NXPH1: variants seen among roughly 807,000 people sequenced by gnomAD.
The protein encoded by NXPH1 is neurexophilin 1.
A neutral mutation model predicts 23.7 loss-of-function variants in NXPH1; 5 were observed. That is an observed-to-expected ratio of 0.21 (90% CI 0.11 to 0.44). The LOEUF (loss-of-function observed/expected upper bound fraction) is 0.44. Among genes scored for constraint, NXPH1 ranks in the 20% least tolerant of loss-of-function variants. NXPH1 has a pLI of 0.99. For missense variants in NXPH1, 324 were observed against 321.6 expected, an observed-to-expected ratio of 1.01 and a Z score of -0.06; for synonymous variants, 144 against 122.2, an observed-to-expected ratio of 1.18 and a Z score of -1.18.
intron 2 of NXPH1, among the ~76,000 whole-genome samples, chr7:8,523,381 A>G (rs1273669530): frequency 3.3e-5 from 5 of 152,144 alleles, no homozygotes; most frequent in African/African-American, 4.8e-5. Flanking sequence ...GAAAATTCTT[A>G]GAGTCTTTTC....
At chr7:8,712,541 A>G (rs1188854212) in intron 2 of NXPH1, among the ~76,000 whole-genome samples, 4 of 152,260 alleles carry the variant, frequency 2.6e-5, no homozygotes, top group African/African-American at 9.6e-5. Flanking sequence ...CACTCCTCAT[A>G]AGATTTCAAT....
chr7:8,638,661 A>G (rs1365061461), intron 2 of NXPH1, among the ~76,000 whole-genome samples: 1 of 152,146 alleles, frequency 6.6e-6, no homozygotes, highest in African/African-American at 2.4e-5. Flanking sequence ...AAGGAATTCA[A>G]AAATTCTTTT....
At chr7:8,686,288 C>T (rs939318636) in intron 2 of NXPH1, among the ~76,000 whole-genome samples, 1 of 151,992 alleles carries the variant, frequency 6.6e-6, no homozygotes, top group Non-Finnish European at 1.5e-5. Context: ...TCTTTCCTTA[C>T]GTCTAATGAA....
chr7:8,568,872 A>T (rs1009564582), intron 2 of NXPH1, among the ~76,000 whole-genome samples: 1 of 151,838 alleles, frequency 6.6e-6, no homozygotes, highest in African/African-American at 2.4e-5. Flanking sequence ...ATATCTTTGC[A>T]TTTGTAACCT....
At chr7:8,464,221 C>T (rs1816741300) in intron 2 of NXPH1, among the ~76,000 whole-genome samples, 1 of 152,184 alleles carries the variant, frequency 6.6e-6, no homozygotes, top group Non-Finnish European at 1.5e-5. Context: ...CATCCCTAGA[C>T]ATCTTTATAT....
intron 2 of NXPH1, among the ~76,000 whole-genome samples, chr7:8,585,628 C>T (rs1474773122): frequency 1.3e-5 from 2 of 152,160 alleles, no homozygotes; most frequent in Non-Finnish European, 2.9e-5. Context: ...TCCTTGCACT[C>T]AATCTGGTAA....
At chr7:8,445,022 G>C (rs7805398) in intron 2 of NXPH1, among the ~76,000 whole-genome samples, 112,311 of 152,104 alleles carry the variant, frequency 0.74, 43,901 homozygotes, top group East Asian at 0.91. Context: ...TGTAGGGCAT[G>C]ATTTCCTCCC....
intron 2 of NXPH1, among the ~76,000 whole-genome samples, chr7:8,697,665 G>T (rs1779556537): frequency 6.6e-6 from 1 of 152,176 alleles, no homozygotes; most frequent in Non-Finnish European, 1.5e-5. Context: ...GGAGGATCAT[G>T]ATTTGAGGAG....
At chr7:8,738,051 T>C (rs370750515) in intron 2 of NXPH1, among the ~76,000 whole-genome samples, 1 of 152,210 alleles carries the variant, frequency 6.6e-6, no homozygotes, top group Non-Finnish European at 1.5e-5. Flanking sequence ...TTTTCAAGGT[T>C]CTTAGCTTCC....
chr7:8,574,752 A>G (rs979914188), intron 2 of NXPH1, among the ~76,000 whole-genome samples: 1 of 152,148 alleles, frequency 6.6e-6, no homozygotes, highest in African/African-American at 2.4e-5. Context: ...CTGTCACAAC[A>G]TCCCTTCTCA....
intron 2 of NXPH1, among the ~76,000 whole-genome samples, chr7:8,467,143 T>A (rs1286513389): frequency 6.6e-6 from 1 of 152,192 alleles, no homozygotes; most frequent in African/African-American, 2.4e-5. Flanking sequence ...TATTATAGAG[T>A]ACTTTCTTTT....
At chr7:8,452,082 A>G (rs1816516352) in intron 2 of NXPH1, among the ~76,000 whole-genome samples, 1 of 152,216 alleles carries the variant, frequency 6.6e-6, no homozygotes, top group South Asian at 2.1e-4. Flanking sequence ...CGCGGTTTGC[A>G]TCAGCCTGGT....
chr7:8,588,059 C>T (rs184427730), intron 2 of NXPH1, among the ~76,000 whole-genome samples: 170 of 152,228 alleles, frequency 1.1e-3, no homozygotes, highest in African/African-American at 3.6e-3. Context: ...TACCATCTCA[C>T]GCTAGTTAGA....
intron 2 of NXPH1, among the ~76,000 whole-genome samples, chr7:8,606,311 T>C (rs113596399): frequency 0.015 from 2,242 of 152,196 alleles, 34 homozygotes; most frequent in Middle Eastern, 0.044. Context: ...ACTCTTCTCC[T>C]TTTCCCCACC....
chr7:8,742,929 T>A (rs2115228841), intron 2 of NXPH1, among the ~76,000 whole-genome samples: 1 of 152,276 alleles, frequency 6.6e-6, no homozygotes, highest in East Asian at 1.9e-4. Context: ...AGCTGAAGAC[T>A]TTGCTATTGA....
chr7:8,446,028 T>C (rs2128604770), intron 2 of NXPH1, among the ~76,000 whole-genome samples: 1 of 152,362 alleles, frequency 6.6e-6, no homozygotes, highest in East Asian at 1.9e-4. Flanking sequence ...CCCATAGGTA[T>C]ATAAAACAGC....
At chr7:8,670,910 A>G (rs76505486) in intron 2 of NXPH1, among the ~76,000 whole-genome samples, 2,702 of 152,242 alleles carry the variant, frequency 0.018, 81 homozygotes, top group African/African-American at 0.061. Context: ...TACACAGTGT[A>G]TTAGGTAATA....
intron 2 of NXPH1, among the ~76,000 whole-genome samples, chr7:8,651,137 A>C (rs1382457262): frequency 5.6e-5 from 8 of 143,692 alleles, no homozygotes; most frequent in African/African-American, 1.3e-4. Flanking sequence ...CCCACCCCAC[A>C]ACAGTCCCCA....
At chr7:8,665,990 C>T (rs867810780) in intron 2 of NXPH1, among the ~76,000 whole-genome samples, 13 of 139,026 alleles carry the variant, frequency 9.4e-5, no homozygotes, top group African/African-American at 3.2e-4. Context: ...CAAACAGGGA[C>T]AATTTAGCAT....
Sources: allele counts gnomAD v4.1 joint callset (sites outside exome capture counted in the v4.1 genomes callset), GRCh38; gene constraint gnomAD v4.1.1; transcripts MANE v1.5; gene names NCBI Gene and HGNC (gene_info 2026-07-23, HGNC 2026-07-21).